Variants in C11orf21 observed in about 807,000 individuals in gnomAD.
C11orf21 encodes chromosome 11 open reading frame 21.
In C11orf21, 19 loss-of-function variants were observed where a neutral mutation model predicts 15.2. The ratio of observed to expected loss-of-function variants is 1.25; its 90% CI spans 0.87 to 1.84. The LOEUF (loss-of-function observed/expected upper bound fraction) is 1.84. Ranked by LOEUF, C11orf21 falls within the 40% of genes most tolerant of loss-of-function variation. C11orf21 has a pLI of 0.00. For missense variants in C11orf21, 171 were observed against 174.4 expected, an observed-to-expected ratio of 0.98 and a Z score of 0.11; for synonymous variants, 62 against 66.8, an observed-to-expected ratio of 0.93 and a Z score of 0.35.
rs540385518 is a variant in C11orf21, at chr11:2,299,559, A to C, written c.296T>G (p.Leu99Trp). Residue 99 changes from leucine to tryptophan, a missense_variant, in exon 3 of 4, where the codon TTG (leucine) becomes TGG (tryptophan). Transcript: ENST00000381153. ...CCCCLSLPGQ[L>W]PLAIRLGWDL... is the part of the protein sequence containing the mutation. ...CCATCCCAGCCGGATAGCCAGGGGC[A>C]ACTGCCCAGGTAAACTGAGACAGCA... is the stretch of plus-strand genomic sequence containing the variant. The C allele has an allele frequency of 1.9e-5, 30 of 1,550,770 alleles. No homozygotes were observed. The South Asian group carries it at 3.3e-4, about 17-fold the overall frequency.
chr11:2,300,774 G>T lies in C11orf21; in HGVS notation c.54-161C>A. The T allele has an allele frequency of 1.9e-6, 3 of 1,550,606 alleles. No individual in the cohort carries two copies. Among genetic ancestry groups the T allele is most frequent in the Non-Finnish European group, 2.6e-6 (3 of 1,146,882 alleles). ...AAGGTTGGAGAGAGACAATTCTAGG[G>T]GCGAACCAGACATAGCCAAGAGCAG... On this transcript the variant is annotated intron_variant, in intron 1 of 3. Coordinates refer to ENST00000381153, the MANE Select transcript of C11orf21 (RefSeq NM_001329958.2).
At position 2,299,665 on chromosome 11, in the gene C11orf21, A is replaced by G; in HGVS notation, c.190T>C (p.Ser64Pro). ...SMMPPAAAQP[S>P]AHGALVPPAT... is the part of the protein sequence containing the mutation. ...GGTGGAACAAGGGCACCATGGGCGG[A>G]GGGTTGGGCAGCTGCAGGTGGCATC... The change falls in exon 3 of 4, where the codon TCC (serine) becomes CCC (proline). Residue 64 changes from serine to proline, a missense_variant. Physicochemically the swap from Ser to Pro is moderately conservative, Grantham distance 74 (BLOSUM62 -1). Coordinates refer to ENST00000381153, the MANE Select transcript of C11orf21 (RefSeq NM_001329958.2). 1 of 1,551,024 alleles carries G rather than the reference A, an allele frequency of 6.4e-7. No individual in the cohort carries two copies. The highest frequency in any genetic ancestry group is 8.7e-7 in the Non-Finnish European group (1 of 1,146,900).
chr11:2,298,952 C>A (rs760880488), intron 3 of C11orf21, among the ~76,000 whole-genome samples: 12 of 152,148 alleles, frequency 7.9e-5, no homozygotes, highest in Non-Finnish European at 1.6e-4. Context: ...GGCAGCAGCC[C>A]ACGGCACTGA....
upstream of C11orf21, chr11:2,302,074 C>T (rs78465685): frequency 3.0e-4 from 440 of 1,485,666 alleles, 1 homozygote; most frequent in African/African-American, 5.6e-3. Flanking sequence ...CAGTGAGCTG[C>T]GGTCTGAGGC....
At chr11:2,299,742 C>T (rs985906080) in intron 2 of C11orf21, 35 bp from the exon 3 acceptor site, 1 of 1,546,248 alleles carries the variant, frequency 6.5e-7, no homozygotes, top group South Asian at 1.2e-5. Context: ...TGAGCGGGCG[C>T]ACCTGGGACC....
rs758267375 is a variant in C11orf21, at chr11:2,301,775, G to T, written c.34C>A (p.Arg12=). The T allele has an allele frequency of 1.3e-6, 2 of 1,549,686 alleles. No homozygotes were observed. The highest frequency in any genetic ancestry group is 8.7e-7 in the Non-Finnish European group (1 of 1,146,764). ...GRTWCGMWRR[R]RPGRRSAVPR... The stretch of plus-strand genomic sequence containing the variant: ...GCTCACCTCCTCCTCCCCGGGCGCC[G>T]TCTCCTCCACATCCCACACCAGGTC... Residue 12 remains arginine (R), a synonymous_variant, in exon 1 of 4, where the codon CGG becomes AGG. Transcript: ENST00000381153.
chr11:2,302,644 G>T (rs909393323), upstream of C11orf21: 2 of 594,518 alleles, frequency 3.4e-6, no homozygotes, highest in South Asian at 2.0e-5. Context: ...ACCATGTGGG[G>T]GTGCCTGTGA....
At chr11:2,302,860 T>C (rs746432153), upstream of C11orf21, 40 of 1,613,410 alleles carry the variant, frequency 2.5e-5, no homozygotes, top group Non-Finnish European at 3.1e-5. Context: ...GGCCTCTCTG[T>C]GGCCACCATG....
chr11:2,302,046 T>C, upstream of C11orf21: 2 of 1,496,500 alleles, frequency 1.3e-6, no homozygotes, highest in East Asian at 4.6e-5. Flanking sequence ...GAGGGGCGGA[T>C]GCAGCCTACC....
At position 2,299,661 on chromosome 11, in the gene C11orf21, G is replaced by A. The variant is rs1847625846; in HGVS notation, c.194C>T (p.Ala65Val). Residue 65 changes from alanine to valine, a missense_variant, in exon 3 of 4, where the codon GCC becomes GTC. Transcript: ENST00000381153. ...MMPPAAAQPS[A>V]HGALVPPATA... ...GGCAGGTGGAACAAGGGCACCATGGGCGGAGGGTTGGGCAGCTGCAGGTGG... is the reference window on the plus strand; with the variant it reads ...GGCAGGTGGAACAAGGGCACCATGGACGGAGGGTTGGGCAGCTGCAGGTGG... 2 of 1,551,182 alleles carry A rather than the reference G, an allele frequency of 1.3e-6. No homozygotes were observed. Among genetic ancestry groups the A allele is most frequent in the Non-Finnish European group, 1.7e-6 (2 of 1,146,934 alleles).
intron 3 of C11orf21, 92 bp downstream of exon 3, chr11:2,299,336 G>A (rs745738322): frequency 2.2e-6 from 3 of 1,353,216 alleles, no homozygotes; most frequent in Non-Finnish European, 3.0e-6. Flanking sequence ...GACGCAGGTG[G>A]GAAGCTCTTG....
At chr11:2,298,988 C>T (rs948035493) in intron 3 of C11orf21, among the ~76,000 whole-genome samples, 1 of 152,184 alleles carries the variant, frequency 6.6e-6, no homozygotes, top group African/African-American at 2.4e-5. Flanking sequence ...CAGCCATGCC[C>T]CAGAAACTCC....
upstream of C11orf21, chr11:2,303,121 C>A: frequency 1.6e-6 from 1 of 613,830 alleles, no homozygotes; most frequent in Non-Finnish European, 2.8e-6. Context: ...CCTAGCTCCC[C>A]TGGGCAGGGC....
intron 2 of C11orf21, among the ~76,000 whole-genome samples, chr11:2,300,111 G>C (rs1805687889): frequency 9.4e-6 from 1 of 106,154 alleles, no homozygotes; most frequent in Non-Finnish European, 2.0e-5. Flanking sequence ...GGTTTGTGAG[G>C]GTGGGCAGGG....
At chr11:2,300,788 A>G in intron 1 of C11orf21, 175 bp from the exon 2 acceptor site, 1 of 1,549,694 alleles carries the variant, frequency 6.5e-7, no homozygotes. Flanking sequence ...AACCAGACAT[A>G]GCCAAGAGCA....
chr11:2,301,604 T>G (rs1314252536), intron 1 of C11orf21, 152 bp downstream of exon 1: 1 of 667,974 alleles, frequency 1.5e-6, no homozygotes, highest in African/African-American at 1.8e-5. Context: ...AACGACCTTC[T>G]CAAAACTTAA....
intron 1 of C11orf21, 119 bp from the exon 2 acceptor site, chr11:2,300,732 C>A: frequency 1.3e-6 from 2 of 1,551,016 alleles, no homozygotes; most frequent in Non-Finnish European, 1.7e-6. Context: ...GCCCGCCTCA[C>A]CAGCTCCAGG....
At chr11:2,300,929 G>A (rs1423011130) in intron 1 of C11orf21, 3 of 659,682 alleles carry the variant, frequency 4.5e-6, no homozygotes, top group Non-Finnish European at 8.0e-6. Flanking sequence ...GCCACACCTA[G>A]GCCCCCAGCT....
chr11:2,302,090 C>A (rs372594309), upstream of C11orf21: 18 of 1,486,074 alleles, frequency 1.2e-5, no homozygotes, highest in South Asian at 1.4e-5. Flanking sequence ...GAGGCCCCTG[C>A]CCAGCTGGAA....
Sources: allele counts gnomAD v4.1 joint callset (sites outside exome capture counted in the v4.1 genomes callset), GRCh38; gene constraint gnomAD v4.1.1; transcripts MANE v1.5; gene names NCBI Gene and HGNC (gene_info 2026-07-23, HGNC 2026-07-21).